Variants in AKAP6 observed in about 807,000 individuals in gnomAD.
AKAP6 encodes the protein A-kinase anchor protein 6.
In AKAP6, 58 loss-of-function variants were observed where a neutral mutation model predicts 188.5. The ratio of observed to expected loss-of-function variants is 0.31; its 90% confidence interval spans 0.25 to 0.38. The LOEUF is 0.38. Ranked by LOEUF, AKAP6 falls within the 10% of genes least tolerant of loss-of-function variation. The pLI is 1.00. For synonymous variants in AKAP6, 989 were observed against 998.6 expected (o/e 0.99, Z 0.18); for missense variants, 2,710 against 2,740.0 (o/e 0.99, Z 0.24).
At chr14:32,645,295 C>T (rs546758934) in intron 7 of AKAP6, among the ~76,000 whole-genome samples, 2 of 152,240 alleles carry the variant, frequency 1.3e-5, no homozygotes, top group South Asian at 2.1e-4. Flanking sequence ...ACATTTTCAA[C>T]CTCGAATATT....
intron 7 of AKAP6, among the ~76,000 whole-genome samples, chr14:32,643,306 T>G (rs1055661930): frequency 6.6e-5 from 10 of 152,036 alleles, no homozygotes; most frequent in African/African-American, 1.7e-4. Context: ...TCATACATTC[T>G]TTTCTTTTCT....
rs189695035 is a variant in AKAP6, at chr14:32,518,181, C to A, written c.325-17373C>A. Among the ~76,000 whole-genome samples, 467 of 152,252 alleles carry A rather than the reference C, an allele frequency of 3.1e-3. 5 individuals carry two copies. Among genetic ancestry groups the A allele is most frequent in the African/African-American group, 0.011 (450 of 41,554 alleles). Reference sequence around the variant, plus strand: ...AACAGAAAGGACATCTACACCAAAACCCCATCTGTCCATCACCATCATCAA... The same window carrying A: ...AACAGAAAGGACATCTACACCAAAAACCCATCTGTCCATCACCATCATCAA... On this transcript the variant is annotated intron_variant, in intron 2 of 13. Coordinates refer to ENST00000280979, the MANE Select transcript of AKAP6 (RefSeq NM_004274.5).
chr14:32,642,346 C>G (rs938371320), intron 7 of AKAP6, among the ~76,000 whole-genome samples: 4 of 152,220 alleles, frequency 2.6e-5, no homozygotes, highest in Non-Finnish European at 4.4e-5. Flanking sequence ...TGTATTTACA[C>G]AGTTTTTGTC....
At chr14:32,387,292 T>C (rs1888563138) in intron 1 of AKAP6, among the ~76,000 whole-genome samples, 2 of 151,984 alleles carry the variant, frequency 1.3e-5, no homozygotes, top group South Asian at 4.1e-4. Context: ...TTTCTTTCTT[T>C]TGTCTGATTG....
At chr14:32,420,659 A>T (rs968430106) in intron 1 of AKAP6, among the ~76,000 whole-genome samples, 3 of 152,100 alleles carry the variant, frequency 2.0e-5, no homozygotes, top group African/African-American at 7.2e-5. Flanking sequence ...GTTCATTTAC[A>T]TCAGATTTTC....
intron 7 of AKAP6, among the ~76,000 whole-genome samples, chr14:32,649,595 C>A (rs1028536): frequency 0.068 from 10,326 of 152,162 alleles, 474 homozygotes; most frequent in Middle Eastern, 0.12. Context: ...AAACTGACAT[C>A]TTTTTCCTTA....
chr14:32,830,128 C>G lies in AKAP6; in HGVS notation c.*323C>G. 1.7e-6 allele frequency: 1 copy of G among 595,484 alleles called. No individual in the cohort carries two copies. The highest frequency in any genetic ancestry group is 2.0e-5 in the South Asian group (1 of 49,054). 36.9% of individuals were successfully genotyped at this position (595,484 alleles called of 1,614,324 possible). ...CTCTCCAGCTAGACTTTTCTCTTTG[C>G]CTCCTCCCTTCCCTTCCACTCTTTA... On this transcript the variant is annotated 3_prime_UTR_variant, in exon 14 of 14. Coordinates refer to ENST00000280979, the MANE Select transcript of AKAP6 (RefSeq NM_004274.5).
At position 32,685,334 on chromosome 14, in the gene AKAP6, G is replaced by A. The variant is rs570516392; in HGVS notation, c.2879+6875G>A. On this transcript the variant is annotated intron_variant, in intron 8 of 13. Transcript: ENST00000280979. ...GAGTGTTATGGGAATACTGAGAAGG[G>A]CTACCTAATCCAGCCTAGCTGAAAG... is the stretch of plus-strand genomic sequence containing the variant. Among the ~76,000 whole-genome samples, 4 of 152,196 alleles carry A rather than the reference G, an allele frequency of 2.6e-5. No individual in the cohort carries two copies. In the South Asian group the frequency reaches 6.2e-4, roughly 24 times the overall value.
At chr14:32,616,813 A>G (rs976471284) in intron 7 of AKAP6, among the ~76,000 whole-genome samples, 4 of 152,248 alleles carry the variant, frequency 2.6e-5, no homozygotes, top group African/African-American at 7.2e-5. Flanking sequence ...ACATATATGT[A>G]TATATTTATA....
At chr14:32,668,587 A>G (rs1229746682) in intron 7 of AKAP6, among the ~76,000 whole-genome samples, 3 of 152,176 alleles carry the variant, frequency 2.0e-5, no homozygotes, top group East Asian at 1.9e-4. Context: ...TTTGCAAACA[A>G]CAGGTCAATA....
intron 2 of AKAP6, among the ~76,000 whole-genome samples, chr14:32,467,110 C>T (rs2138846987): frequency 6.6e-6 from 1 of 150,918 alleles, no homozygotes; most frequent in Middle Eastern, 3.4e-3. Context: ...TGATCATTAC[C>T]TCGGTGACGA....
chr14:32,463,842 G>T (rs1878227339), intron 2 of AKAP6, among the ~76,000 whole-genome samples: 1 of 151,998 alleles, frequency 6.6e-6, no homozygotes, highest in Non-Finnish European at 1.5e-5. Flanking sequence ...TACATAGACT[G>T]CTAGCAAGAC....
chr14:32,497,604 G>T (rs1880388280), intron 2 of AKAP6, among the ~76,000 whole-genome samples: 1 of 152,008 alleles, frequency 6.6e-6, no homozygotes, highest in Non-Finnish European at 1.5e-5. Flanking sequence ...TGTTTTGGTT[G>T]ACTCTCCTAA....
chr14:32,688,813 T>C (rs1202934617), intron 8 of AKAP6, among the ~76,000 whole-genome samples: 1 of 152,196 alleles, frequency 6.6e-6, no homozygotes, highest in Non-Finnish European at 1.5e-5. Context: ...CATAGCACTC[T>C]CTGGGTAGGG....
chr14:32,549,287 T>G (rs1398739304), intron 4 of AKAP6, among the ~76,000 whole-genome samples: 1 of 152,140 alleles, frequency 6.6e-6, no homozygotes, highest in East Asian at 1.9e-4. Context: ...TGTAGAGTAG[T>G]AATAATATCA....
chr14:32,573,477 AG>A (rs1367426277), intron 4 of AKAP6, among the ~76,000 whole-genome samples: 1 of 152,184 alleles, frequency 6.6e-6, no homozygotes, highest in East Asian at 1.9e-4. Flanking sequence ...CACAATATCC[AG>A]AAGAGTGTCC....
chr14:32,717,608 TCA>T (rs57925449), intron 9 of AKAP6, among the ~76,000 whole-genome samples: 9,525 of 147,560 alleles, frequency 0.065, 348 homozygotes, highest in East Asian at 0.12. Context: ...TTGTCTCTTA[TCA>T]CACACACACA....
intron 9 of AKAP6, among the ~76,000 whole-genome samples, chr14:32,726,501 T>A (rs915226847): frequency 1.1e-4 from 17 of 152,244 alleles, no homozygotes; most frequent in African/African-American, 4.1e-4. Flanking sequence ...TGCCGTAATT[T>A]TATACTTGTG....
intron 7 of AKAP6, among the ~76,000 whole-genome samples, chr14:32,622,768 G>A (rs1886868301): frequency 6.6e-6 from 1 of 152,146 alleles, no homozygotes; most frequent in South Asian, 2.1e-4. Context: ...GGGCTACAGT[G>A]AGGAGCTTTG....
Sources: allele counts gnomAD v4.1 joint callset (sites outside exome capture counted in the v4.1 genomes callset), GRCh38; gene constraint gnomAD v4.1.1; transcripts MANE v1.5; gene names NCBI Gene and HGNC (gene_info 2026-07-23, HGNC 2026-07-21).